Variants in ARHGEF28 observed in about 807,000 individuals in gnomAD.
The protein encoded by ARHGEF28 is Rho guanine nucleotide exchange factor 28, also known as 190 kDa guanine nucleotide exchange factor.
In ARHGEF28, 152 loss-of-function variants were observed where a neutral mutation model predicts 206.6. That is an observed-to-expected ratio of 0.74 (90% CI 0.64 to 0.84). The LOEUF is 0.84. ARHGEF28 is among the 40% of genes least tolerant of loss of function. The probability of loss-of-function intolerance (pLI) is 0.00; values close to 1 mark genes in which losing one functional copy is unlikely to be tolerated. For synonymous variants in ARHGEF28, 763 were observed against 776.4 expected, an observed-to-expected ratio of 0.98 and a Z score of 0.29; for missense variants, 2,028 against 2,073.2, an observed-to-expected ratio of 0.98 and a Z score of 0.42.
At chr5:73,826,432 T>C (rs62357751) in intron 9 of ARHGEF28, among the ~76,000 whole-genome samples, 24,540 of 152,198 alleles carry the variant, frequency 0.16, 2,073 homozygotes, top group African/African-American at 0.19. Context: ...CTGAGAGGCC[T>C]TCACCTGACT....
chr5:73,698,576 A>G (rs1442513558), intron 2 of ARHGEF28, among the ~76,000 whole-genome samples: 5 of 152,056 alleles, frequency 3.3e-5, no homozygotes, highest in African/African-American at 7.2e-5. Flanking sequence ...GTGATATGGA[A>G]AATCTGCCTC....
At chr5:73,880,209 G>A (rs901854311) in intron 22 of ARHGEF28, among the ~76,000 whole-genome samples, 5 of 152,192 alleles carry the variant, frequency 3.3e-5, no homozygotes, top group South Asian at 2.1e-4. Flanking sequence ...GCGAGACTCC[G>A]TGGGTGTAGG....
At chr5:73,687,399 A>G (rs201676477) in intron 2 of ARHGEF28, among the ~76,000 whole-genome samples, 1 of 145,298 alleles carries the variant, frequency 6.9e-6, no homozygotes, top group African/African-American at 2.5e-5. Flanking sequence ...CTGACACTAC[A>G]TATGATAGAG....
intron 2 of ARHGEF28, among the ~76,000 whole-genome samples, chr5:73,712,701 C>T (rs1476538993): frequency 1.3e-5 from 2 of 152,184 alleles, no homozygotes; most frequent in Non-Finnish European, 2.9e-5. Context: ...TCGAAATTAT[C>T]AGCATGCTTC....
chr5:73,721,376 G>A (rs1220304778), intron 2 of ARHGEF28, among the ~76,000 whole-genome samples: 1 of 152,112 alleles, frequency 6.6e-6, no homozygotes, highest in Non-Finnish European at 1.5e-5. Flanking sequence ...TGAAACCCTT[G>A]AGAAGTAAAG....
chr5:73,858,597 C>T (rs1444873829), intron 16 of ARHGEF28, among the ~76,000 whole-genome samples: 1 of 152,204 alleles, frequency 6.6e-6, no homozygotes, highest in African/African-American at 2.4e-5. Flanking sequence ...TCACATCCCA[C>T]ATCCAATCCA....
At chr5:73,807,509 A>T in intron 9 of ARHGEF28, among the ~76,000 whole-genome samples, 1 of 144,716 alleles carries the variant, frequency 6.9e-6, no homozygotes. Flanking sequence ...TTTGAGATGG[A>T]GTTTCACTCT....
intron 1 of ARHGEF28, among the ~76,000 whole-genome samples, chr5:73,660,555 A>C (rs1343944830): frequency 6.6e-6 from 1 of 152,162 alleles, no homozygotes; most frequent in African/African-American, 2.4e-5. Flanking sequence ...CTTTGCTCAG[A>C]TCCATCAGAT....
intron 33 of ARHGEF28, chr5:73,904,636 T>G: frequency 1.9e-6 from 1 of 515,536 alleles, no homozygotes; most frequent in Non-Finnish European, 3.4e-6. Context: ...AGTTCATATC[T>G]TTAAAAAATA....
At chr5:73,786,722 A>T (rs1367558451) in intron 7 of ARHGEF28, among the ~76,000 whole-genome samples, 1 of 152,148 alleles carries the variant, frequency 6.6e-6, no homozygotes, top group Non-Finnish European at 1.5e-5. Context: ...TTTAATACTT[A>T]CTTCAGTGGG....
In ARHGEF28 at chr5:73,832,357, A is replaced by G. The variant is rs1757349801; in HGVS notation, c.1044A>G (p.Leu348=). ...SLDLDRSFDI[L]KKSKPPSTLL... ...CTCTAGATCGCTCCTTCGATATCCT[A>G]AAAAAATCCAAGCCGCCCTCGACAT... is the stretch of plus-strand genomic sequence containing the variant. The change falls in exon 10 of 36, where the codon CTA becomes CTG. Residue 348 remains leucine (L), a synonymous_variant. Transcript: ENST00000513042. 1.9e-6 allele frequency: 3 copies of G among 1,612,128 alleles called. No individual in the cohort carries two copies. The highest frequency in any genetic ancestry group is 2.5e-6 in the Non-Finnish European group (3 of 1,179,036).
At chr5:73,930,415 G>GT (rs534065006) in intron 35 of ARHGEF28, among the ~76,000 whole-genome samples, 208 of 152,246 alleles carry the variant, frequency 1.4e-3, no homozygotes, top group African/African-American at 4.7e-3. Context: ...GTTCATAAAA[G>GT]TTTTTTCTGA....
At chr5:73,812,764 C>T (rs1755921178) in intron 9 of ARHGEF28, among the ~76,000 whole-genome samples, 1 of 152,050 alleles carries the variant, frequency 6.6e-6, no homozygotes, top group Admixed American at 6.6e-5. Context: ...ATAAAGGCAC[C>T]AAAATCCTGA....
At chr5:73,857,132 G>T (rs960872861) in intron 14 of ARHGEF28, among the ~76,000 whole-genome samples, 4 of 152,090 alleles carry the variant, frequency 2.6e-5, no homozygotes, top group Admixed American at 6.6e-5. Flanking sequence ...AGGCTGCACC[G>T]AGTGGCAGTC....
intron 3 of ARHGEF28, 100 bp downstream of exon 3, chr5:73,750,084 A>G (rs1233919326): frequency 1.4e-6 from 2 of 1,435,422 alleles, no homozygotes; most frequent in Non-Finnish European, 1.9e-6. Flanking sequence ...AAAAGAAAAC[A>G]GTGCTGCAAG....
At chr5:73,704,877 A>G (rs1024619770) in intron 2 of ARHGEF28, among the ~76,000 whole-genome samples, 1 of 152,186 alleles carries the variant, frequency 6.6e-6, no homozygotes, top group Non-Finnish European at 1.5e-5. Context: ...TCTGAGCAGA[A>G]GTCCCATAAT....
In ARHGEF28 at chr5:73,738,482, C is replaced by CGTGTGTGT. The variant is rs59149035; in HGVS notation, c.34-11326_34-11319dup. On this transcript the variant is annotated intron_variant, in intron 2 of 35. Coordinates refer to ENST00000513042, the MANE Select transcript of ARHGEF28 (RefSeq NM_001177693.2). ...TAGCACTCTTATTTAAGAGTGGCCT[C>CGTGTGTGT]GTGTGTGTGTGTGTGTGTGTGTGTG... Among the ~76,000 whole-genome samples, 200 of 145,680 alleles carry CGTGTGTGT rather than the reference C, an allele frequency of 1.4e-3. 1 individual carries two copies. Among genetic ancestry groups the CGTGTGTGT allele is most frequent in the Admixed American group, 3.2e-3 (47 of 14,634 alleles).
chr5:73,796,444 A>T (rs6883409), intron 9 of ARHGEF28, among the ~76,000 whole-genome samples: 1 of 152,084 alleles, frequency 6.6e-6, no homozygotes, highest in Non-Finnish European at 1.5e-5. Flanking sequence ...GAAGGTGGGT[A>T]ACCCACGGGG....
intron 18 of ARHGEF28, 54 bp downstream of exon 18, chr5:73,866,067 AT>A: frequency 7.6e-7 from 1 of 1,321,994 alleles, no homozygotes; most frequent in African/African-American, 1.5e-5. Context: ...CATACTATAC[AT>A]TTTTCCATTA....
Sources: allele counts gnomAD v4.1 joint callset (sites outside exome capture counted in the v4.1 genomes callset), GRCh38; gene constraint gnomAD v4.1.1; transcripts MANE v1.5; gene names NCBI Gene and HGNC (gene_info 2026-07-23, HGNC 2026-07-21).